Variants in CCDC68 observed in about 807,000 individuals in gnomAD.
The protein encoded by CCDC68 is coiled-coil domain-containing protein 68.
Under a neutral mutation model 47.1 loss-of-function variants are expected in CCDC68, and 45 were observed. The ratio of observed to expected loss-of-function variants is 0.96; its 90% CI spans 0.75 to 1.23. CCDC68 has a LOEUF of 1.23. Ranked by LOEUF, CCDC68 falls within the 50% of genes most tolerant of loss-of-function variation. CCDC68 has a pLI of 0.00. For synonymous variants in CCDC68, 131 were observed against 129.5 expected, an observed-to-expected ratio of 1.01 and a Z score of -0.08; for missense variants, 353 against 373.6, an observed-to-expected ratio of 0.94 and a Z score of 0.45.
intron 8 of CCDC68, among the ~76,000 whole-genome samples, chr18:54,924,021 A>G (rs2044105720): frequency 6.6e-6 from 1 of 152,112 alleles, no homozygotes; most frequent in East Asian, 1.9e-4. Context: ...AGAGGTACAC[A>G]AGCAAAACTG....
At chr18:54,955,897 C>T (rs114234551) in intron 1 of CCDC68, among the ~76,000 whole-genome samples, 4,009 of 150,156 alleles carry the variant, frequency 0.027, 148 homozygotes, top group African/African-American at 0.092. Flanking sequence ...TTTAAAAAAT[C>T]ATTTTTAGTA....
In CCDC68 at chr18:54,917,938, T is replaced by C; in HGVS notation, c.848A>G (p.Glu283Gly). Residue 283 changes from glutamate (E) to glycine (G), a missense_variant, in exon 10 of 12, where the codon GAA (glutamate) becomes GGA (glycine). Glu to Gly is a moderately conservative substitution (Grantham distance 98). Coordinates refer to ENST00000591504, the MANE Select transcript of CCDC68 (RefSeq NM_025214.3). ...CTGGGCTTCAAGTATGTTAACCTTT[T>C]CTCTGAGATTTTCAATTCTTTTGTC... is the stretch of plus-strand genomic sequence containing the variant. The part of the protein sequence containing the change: ...EQDKRIENLR[E>G]KVNILEAQNK... 1.9e-6 allele frequency: 3 copies of C among 1,579,192 alleles called. No homozygotes were observed. The highest frequency in any genetic ancestry group is 2.6e-6 in the Non-Finnish European group (3 of 1,152,394).
intron 10 of CCDC68, among the ~76,000 whole-genome samples, chr18:54,917,372 T>C (rs537395474): frequency 1.3e-5 from 2 of 152,248 alleles, no homozygotes; most frequent in Non-Finnish European, 2.9e-5. Flanking sequence ...GCCGTCTGAC[T>C]AGAGTGAAAT....
intron 10 of CCDC68, among the ~76,000 whole-genome samples, chr18:54,908,750 G>T (rs1453661199): frequency 1.3e-5 from 2 of 152,064 alleles, no homozygotes; most frequent in African/African-American, 4.8e-5. Context: ...ACAGTGTCTG[G>T]CTCCGTCACC....
chr18:54,931,412 G>A (rs1599061543), intron 7 of CCDC68, among the ~76,000 whole-genome samples: 1 of 152,194 alleles, frequency 6.6e-6, no homozygotes, highest in African/African-American at 2.4e-5. Flanking sequence ...CAGGCTGATC[G>A]GAGAGGGCAC....
At chr18:54,949,811 A>T (rs1380620059) in intron 1 of CCDC68, among the ~76,000 whole-genome samples, 1 of 152,142 alleles carries the variant, frequency 6.6e-6, no homozygotes, top group Non-Finnish European at 1.5e-5. Context: ...CAACTCAGGG[A>T]ATGGCCATCT....
At chr18:54,912,827 C>A (rs1914446264) in intron 10 of CCDC68, among the ~76,000 whole-genome samples, 1 of 152,134 alleles carries the variant, frequency 6.6e-6, no homozygotes, top group African/African-American at 2.4e-5. Context: ...TACATGGAGG[C>A]AGGCAATAAA....
chr18:54,942,859 T>C, intron 2 of CCDC68, 56 bp from the exon 3 acceptor site: 2 of 942,610 alleles, frequency 2.1e-6, no homozygotes, highest in Admixed American at 1.9e-5. Flanking sequence ...TGTATGATTA[T>C]ATGGTTCATA....
chr18:54,926,961 A>G (rs1372133501), intron 8 of CCDC68, among the ~76,000 whole-genome samples: 1 of 152,260 alleles, frequency 6.6e-6, no homozygotes, highest in Admixed American at 6.5e-5. Flanking sequence ...CAGTAATGGT[A>G]ATAGAAATAT....
intron 7 of CCDC68, among the ~76,000 whole-genome samples, chr18:54,930,056 C>A (rs2044216283): frequency 6.6e-6 from 1 of 152,132 alleles, no homozygotes; most frequent in Non-Finnish European, 1.5e-5. Flanking sequence ...TTGTAGATTT[C>A]TGTCCGGTAG....
chr18:54,930,805 G>T (rs939379623), intron 7 of CCDC68, among the ~76,000 whole-genome samples: 1 of 149,522 alleles, frequency 6.7e-6, no homozygotes, highest in Admixed American at 6.7e-5. Flanking sequence ...TGCAACCTCC[G>T]CCTCCCAGGT....
chr18:54,905,948 G>A (rs751815415), intron 11 of CCDC68, among the ~76,000 whole-genome samples: 44 of 152,160 alleles, frequency 2.9e-4, no homozygotes, highest in African/African-American at 7.7e-4. Context: ...TCTAGGTTGC[G>A]TGCTCCTTAT....
chr18:54,908,867 G>T (rs1225722480), intron 10 of CCDC68, among the ~76,000 whole-genome samples: 1 of 151,852 alleles, frequency 6.6e-6, no homozygotes, highest in Admixed American at 6.6e-5. Flanking sequence ...GCACCACTAT[G>T]CCTGGCTAAT....
chr18:54,953,528 A>G (rs1178147298), intron 1 of CCDC68, among the ~76,000 whole-genome samples: 9 of 131,102 alleles, frequency 6.9e-5, no homozygotes, highest in African/African-American at 2.8e-4. Context: ...ACACACACAC[A>G]CACACACACA....
intron 8 of CCDC68, among the ~76,000 whole-genome samples, chr18:54,926,234 G>T (rs1483814669): frequency 6.6e-6 from 1 of 152,168 alleles, no homozygotes; most frequent in Non-Finnish European, 1.5e-5. Context: ...AATTTATAAA[G>T]GAAAGAGGTT....
At chr18:54,920,527 CAT>C (rs1385828159) in intron 8 of CCDC68, among the ~76,000 whole-genome samples, 1 of 152,100 alleles carries the variant, frequency 6.6e-6, no homozygotes, top group Non-Finnish European at 1.5e-5. Flanking sequence ...AGCAGAAATT[CAT>C]AAAATACTAT....
At position 54,942,564 on chromosome 18, in the gene CCDC68, G is replaced by A. The variant is rs1042059607; in HGVS notation, c.117+111C>T. 216 of 647,510 alleles carry A rather than the reference G, an allele frequency of 3.3e-4. 1 individual carries two copies. The African/African-American group carries it at 3.8e-3, about 11-fold the overall frequency. 40.1% of individuals were successfully genotyped at this position (647,510 alleles called of 1,614,324 possible). A position where few individuals can be genotyped will look rare whatever the true frequency, so the allele number is the denominator to read the frequency against. On this transcript the variant is annotated intron_variant, in intron 3 of 11. Transcript: ENST00000591504. ...GGAAGACTGTCCTTTGCCAAACTAG[G>A]GTTGTTCCTTTACATATGTTCTATG... is the stretch of plus-strand genomic sequence containing the variant.
chr18:54,925,612 T>G (rs1164586466), intron 8 of CCDC68, among the ~76,000 whole-genome samples: 1 of 152,190 alleles, frequency 6.6e-6, no homozygotes, highest in African/African-American at 2.4e-5. Flanking sequence ...GAAATGTGAA[T>G]AGCCCTACAT....
chr18:54,904,462 T>G, intron 11 of CCDC68, 47 bp from the exon 12 acceptor site: 35 of 1,461,016 alleles, frequency 2.4e-5, no homozygotes, highest in Non-Finnish European at 3.2e-5. Context: ...TGTTAAACTC[T>G]AGTGATTATG....
Sources: gnomAD v4.1 joint callset for allele counts (sites outside exome capture counted in the v4.1 genomes callset) on GRCh38, gnomAD v4.1.1 for gene constraint, MANE v1.5 for transcripts, NCBI Gene and HGNC (gene_info 2026-07-23, HGNC 2026-07-21) for gene names.